TPX2: variants seen among roughly 807,000 people sequenced by gnomAD.
TPX2 encodes targeting protein for Xklp2.
In TPX2, 21 loss-of-function variants were observed where a neutral mutation model predicts 93.6. That is an observed-to-expected ratio of 0.22 (90% CI 0.16 to 0.32). TPX2 has a LOEUF of 0.32. TPX2 is among the 10% of genes least tolerant of loss of function. The pLI is 1.00. For synonymous variants in TPX2, 281 were observed against 298.3 expected, an observed-to-expected ratio of 0.94 and a Z score of 0.60; for missense variants, 776 against 871.1, an observed-to-expected ratio of 0.89 and a Z score of 1.37.
chr20:31,772,357 G>A (rs992057272), intron 7 of TPX2, among the ~76,000 whole-genome samples: 3 of 152,018 alleles, frequency 2.0e-5, no homozygotes, highest in African/African-American at 7.2e-5. Flanking sequence ...GTAGAGATGG[G>A]ATTTCACTAT....
intron 5 of TPX2, among the ~76,000 whole-genome samples, chr20:31,769,730 A>G (rs1047571175): frequency 6.6e-6 from 1 of 151,970 alleles, no homozygotes; most frequent in Admixed American, 6.6e-5. Context: ...TCATTTAAGT[A>G]TTTTTGTTTT....
chr20:31,755,435 C>A (rs1476184271), intron 2 of TPX2, among the ~76,000 whole-genome samples: 1 of 152,050 alleles, frequency 6.6e-6, no homozygotes, highest in Non-Finnish European at 1.5e-5. Context: ...CTGGCATCTA[C>A]CTCCCTTCTA....
At chr20:31,793,556 GCT>G (rs1352846749) in intron 13 of TPX2, among the ~76,000 whole-genome samples, 1 of 152,150 alleles carries the variant, frequency 6.6e-6, no homozygotes, top group Non-Finnish European at 1.5e-5. Context: ...TAAGGTATAT[GCT>G]TGGTTGGGAC....
At chr20:31,776,972 A>G (rs2062004090) in intron 8 of TPX2, among the ~76,000 whole-genome samples, 1 of 152,198 alleles carries the variant, frequency 6.6e-6, no homozygotes, top group Admixed American at 6.5e-5. Flanking sequence ...AGTCAAATCC[A>G]ATTCACCTGT....
At chr20:31,768,494 C>T (rs1023197432) in intron 5 of TPX2, among the ~76,000 whole-genome samples, 12 of 151,898 alleles carry the variant, frequency 7.9e-5, no homozygotes, top group Non-Finnish European at 7.4e-5. Context: ...ATCCGCCCAC[C>T]GTGGCCTCCT....
At chr20:31,800,924 A>T (rs1391234691) in intron 17 of TPX2, 46 bp from the exon 18 acceptor site, 5 of 1,418,050 alleles carry the variant, frequency 3.5e-6, no homozygotes, top group Middle Eastern at 1.8e-4. Flanking sequence ...TTATAAGCGT[A>T]GTTCTCTGAC....
intron 17 of TPX2, 71 bp downstream of exon 17, chr20:31,798,623 A>G: frequency 6.8e-7 from 1 of 1,468,552 alleles, no homozygotes; most frequent in South Asian, 1.4e-5. Context: ...CTTACCTTGT[A>G]CCAGACAGGA....
chr20:31,773,661 A>G (rs2123033309), intron 7 of TPX2, among the ~76,000 whole-genome samples: 1 of 152,266 alleles, frequency 6.6e-6, no homozygotes, highest in African/African-American at 2.4e-5. Flanking sequence ...ATTAACTTAT[A>G]AAATTGTTTC....
chr20:31,777,034 C>T (rs8120503), intron 8 of TPX2, among the ~76,000 whole-genome samples: 3 of 152,098 alleles, frequency 2.0e-5, no homozygotes, highest in Non-Finnish European at 4.4e-5. Context: ...CTGCTTTGCT[C>T]GGGCATAGAG....
At chr20:31,770,557 T>C in intron 6 of TPX2, 86 bp downstream of exon 6, 1 of 1,223,020 alleles carries the variant, frequency 8.2e-7, no homozygotes, top group Non-Finnish European at 1.1e-6. Flanking sequence ...AATTTACACT[T>C]TAGATTGAAT....
intron 17 of TPX2, among the ~76,000 whole-genome samples, chr20:31,799,766 G>A (rs576291044): frequency 1.3e-5 from 2 of 151,930 alleles, no homozygotes; most frequent in Non-Finnish European, 2.9e-5. Context: ...CGGGCATGGT[G>A]GCACGCACCT....
rs140630429 is a variant in TPX2 at position 31,761,341 on chromosome 20, A to G, written c.229+1162A>G. Among the ~76,000 whole-genome samples the G allele has an allele frequency of 2.1e-3, 325 of 151,252 alleles. 1 individual carries two copies. The highest frequency in any genetic ancestry group is 3.9e-3 in the Non-Finnish European group (262 of 67,946). On this transcript the variant is annotated intron_variant, in intron 4 of 17. Coordinates refer to ENST00000300403, the MANE Select transcript of TPX2 (RefSeq NM_012112.5). ...CTCAGCTGCCCAAGTAGCTGGGATTACAGGCGCCCACCAGCATGCCCGGCT... is the reference window on the plus strand; with the variant it reads ...CTCAGCTGCCCAAGTAGCTGGGATTGCAGGCGCCCACCAGCATGCCCGGCT...
Position 31,794,764 on chromosome 20 carries a change from GTGTGTGTGTGTGTGTGTGTGTGTGTGTA to G in TPX2, c.1833+228_1833+255del, listed in dbSNP as rs916936189. Reference sequence around the variant, plus strand: ...ATGGTCTCTGTCGCATAGTGTGTGTGTGTGTGTGTGTGTGTGTGTGTGTGTGTATGTGTGTGTGTACGCACACATTTTG... The same window carrying G: ...ATGGTCTCTGTCGCATAGTGTGTGTGTGTGTGTGTGTACGCACACATTTTG... On this transcript the variant is annotated intron_variant, in intron 15 of 17. Transcript: ENST00000300403. Among the ~76,000 whole-genome samples the G allele has an allele frequency of 2.7e-5, 4 of 149,900 alleles. No individual in the cohort carries two copies. In the East Asian group the frequency reaches 5.9e-4, roughly 22 times the overall value.
chr20:31,792,905 C>T (rs2062111822), intron 13 of TPX2, 75 bp downstream of exon 13: 1 of 1,369,786 alleles, frequency 7.3e-7, no homozygotes, highest in East Asian at 2.3e-5. Flanking sequence ...ATTTATTAAT[C>T]TTAATGGAGT....
chr20:31,777,701 C>A, intron 9 of TPX2, 63 bp downstream of exon 9: 1 of 1,539,968 alleles, frequency 6.5e-7, no homozygotes, highest in Non-Finnish European at 8.9e-7. Context: ...TTACGTGTAG[C>A]ATTTGTGGTC....
At chr20:31,776,229 C>T (rs1278594646) in intron 8 of TPX2, among the ~76,000 whole-genome samples, 7 of 151,042 alleles carry the variant, frequency 4.6e-5, no homozygotes, top group South Asian at 2.1e-4. Context: ...TACAGGCGCC[C>T]GCCACCGCGC....
At chr20:31,780,672 G>A (rs541141748) in intron 10 of TPX2, among the ~76,000 whole-genome samples, 15 of 152,272 alleles carry the variant, frequency 9.9e-5, no homozygotes, top group African/African-American at 3.6e-4. Flanking sequence ...CCACTGTTAT[G>A]TGACAAGACC....
chr20:31,771,826 T>A (rs2061966050), intron 7 of TPX2, 144 bp downstream of exon 7: 1 of 832,404 alleles, frequency 1.2e-6, no homozygotes, highest in South Asian at 2.3e-5. Context: ...TGTGTCCTGA[T>A]GGGTGCTCAG....
chr20:31,799,866 C>G (rs1022480100), intron 17 of TPX2, among the ~76,000 whole-genome samples: 1 of 143,498 alleles, frequency 7.0e-6, no homozygotes. Flanking sequence ...CCACTGCAGT[C>G]CAGCCTGGGG....
Sources: gnomAD v4.1 joint callset for allele counts (sites outside exome capture counted in the v4.1 genomes callset) on GRCh38, gnomAD v4.1.1 for gene constraint, MANE v1.5 for transcripts, NCBI Gene and HGNC (gene_info 2026-07-23, HGNC 2026-07-21) for gene names.